TUSC3: variants seen among roughly 807,000 people sequenced by gnomAD.
TUSC3 encodes tumor suppressor candidate 3.
A neutral mutation model predicts 44.8 loss-of-function variants in TUSC3; 45 were observed. That is an observed-to-expected ratio of 1.00 (90% CI 0.79 to 1.29). The LOEUF is 1.29. TUSC3 is among the 50% of genes most tolerant of loss of function. TUSC3 has a pLI of 0.00. For synonymous variants in TUSC3, 212 were observed against 152.9 expected (o/e 1.39, Z -2.85); for missense variants, 519 against 437.9 (o/e 1.19, Z -1.65).
chr8:15,504,801 T>C (rs952302928), intron 2 of TUSC3, among the ~76,000 whole-genome samples: 6 of 150,508 alleles, frequency 4.0e-5, no homozygotes, highest in South Asian at 2.1e-4. Context: ...TACAGGTGCC[T>C]GCCACCATGC....
At chr8:15,720,845 A>G (rs2129204034) in intron 6 of TUSC3, among the ~76,000 whole-genome samples, 1 of 152,246 alleles carries the variant, frequency 6.6e-6, no homozygotes, top group Non-Finnish European at 1.5e-5. Context: ...ACAAATCCAG[A>G]TAATGATCGA....
intron 1 of TUSC3, among the ~76,000 whole-genome samples, chr8:15,563,130 C>A (rs1157281654): frequency 6.6e-6 from 1 of 152,186 alleles, no homozygotes; most frequent in South Asian, 2.1e-4. Flanking sequence ...ACAGGCATGA[C>A]AGTCAATGTA....
chr8:15,517,802 A>G (rs1468389412), intron 2 of TUSC3, among the ~76,000 whole-genome samples: 1 of 152,040 alleles, frequency 6.6e-6, no homozygotes, highest in South Asian at 2.1e-4. Flanking sequence ...TACCAATGTT[A>G]TCATAAATAA....
intron 6 of TUSC3, among the ~76,000 whole-genome samples, chr8:15,710,767 A>G (rs375471150): frequency 6.6e-6 from 1 of 150,400 alleles, no homozygotes; most frequent in South Asian, 2.1e-4. Flanking sequence ...GCAGCTTAGT[A>G]ATTTGCATGA....
At chr8:15,737,005 A>G (rs570730130) in intron 7 of TUSC3, among the ~76,000 whole-genome samples, 107 of 152,296 alleles carry the variant, frequency 7.0e-4, no homozygotes, top group African/African-American at 2.4e-3. Context: ...AGTAAAGGTT[A>G]TACTAGCAAT....
At chr8:15,780,967 A>G in the TUSC3 span, among the ~76,000 whole-genome samples, 1 of 152,212 alleles carries the variant, frequency 6.6e-6, no homozygotes, top group Admixed American at 6.5e-5. Context: ...TTACCCCAGT[A>G]GGGAGTTAAA....
chr8:15,698,196 C>T (rs2129193864), intron 6 of TUSC3, among the ~76,000 whole-genome samples: 1 of 152,202 alleles, frequency 6.6e-6, no homozygotes, highest in Non-Finnish European at 1.5e-5. Flanking sequence ...TCTAGCAAAG[C>T]TGCTGTGTTA....
chr8:15,455,888 C>T (rs139622024), intron 1 of TUSC3, among the ~76,000 whole-genome samples: 86 of 152,306 alleles, frequency 5.6e-4, no homozygotes, highest in African/African-American at 2.0e-3. Context: ...CTGAATTCTG[C>T]TAAAGTGTAG....
chr8:15,507,397 C>G (rs928273212), intron 2 of TUSC3, among the ~76,000 whole-genome samples: 1 of 152,108 alleles, frequency 6.6e-6, no homozygotes, highest in African/African-American at 2.4e-5. Flanking sequence ...TATCAAAATC[C>G]TCTTAATAAA....
the TUSC3 span, among the ~76,000 whole-genome samples, chr8:15,818,412 G>A: frequency 4.6e-5 from 7 of 151,956 alleles, no homozygotes; most frequent in Non-Finnish European, 8.8e-5. Context: ...CTTTTAAGAC[G>A]CCTTCAAATG....
the TUSC3 span, among the ~76,000 whole-genome samples, chr8:15,846,601 A>G: frequency 1.3e-5 from 2 of 152,144 alleles, no homozygotes; most frequent in East Asian, 1.9e-4. Flanking sequence ...GCAAACTAAC[A>G]TAAGAACAGA....
chr8:15,802,038 G>T, the TUSC3 span, among the ~76,000 whole-genome samples: 2 of 152,194 alleles, frequency 1.3e-5, no homozygotes, highest in Non-Finnish European at 2.9e-5. Flanking sequence ...ATATTTAAAT[G>T]GGAGAGGGTG....
At chr8:15,662,413 A>G in intron 5 of TUSC3, 117 bp downstream of exon 5, 2 of 1,425,056 alleles carry the variant, frequency 1.4e-6, no homozygotes, top group Non-Finnish European at 1.9e-6. Flanking sequence ...CTGAATGAGA[A>G]GTAACTTTTT....
rs201887537 is a variant in TUSC3, at chr8:15,441,830, AT to A, written n.91+24527del. On this transcript the variant is annotated intron_variant and non_coding_transcript_variant, in intron 1 of 5. Transcript: ENST00000503191. ...AGGTGGGATGATATAGAGCTTTTTGATTATGCTTCTCTAAGCACAATGTCAA... is the reference window on the plus strand; with the variant it reads ...AGGTGGGATGATATAGAGCTTTTTGATATGCTTCTCTAAGCACAATGTCAA... 5.6e-4 allele frequency among the ~76,000 whole-genome samples: 85 copies of A among 152,256 alleles called. 2 individuals carry two copies. In the East Asian group the frequency reaches 0.014, roughly 26 times the overall value.
chr8:15,595,387 C>T (rs1804024828), intron 1 of TUSC3, among the ~76,000 whole-genome samples: 1 of 152,070 alleles, frequency 6.6e-6, no homozygotes, highest in Admixed American at 6.5e-5. Context: ...GCTCTGTTTC[C>T]ATAGCTCAGG....
chr8:15,791,736 G>A, the TUSC3 span, among the ~76,000 whole-genome samples: 32 of 152,166 alleles, frequency 2.1e-4, no homozygotes, highest in South Asian at 1.7e-3. Flanking sequence ...TGCCTTTTAC[G>A]TTGTAAAAAA....
At chr8:15,589,693 A>C (rs752073709) in intron 1 of TUSC3, among the ~76,000 whole-genome samples, 7 of 149,580 alleles carry the variant, frequency 4.7e-5, no homozygotes, top group Non-Finnish European at 1.0e-4. Context: ...AAAGAAAAAA[A>C]TGCATGTCTG....
intron 5 of TUSC3, among the ~76,000 whole-genome samples, chr8:15,663,437 T>G (rs893385330): frequency 1.1e-4 from 17 of 151,842 alleles, no homozygotes; most frequent in African/African-American, 3.9e-4. Flanking sequence ...CTTCCCATTT[T>G]ATTTTTACCA....
At chr8:15,421,969 C>G (rs1799743554) in intron 1 of TUSC3, among the ~76,000 whole-genome samples, 1 of 152,118 alleles carries the variant, frequency 6.6e-6, no homozygotes, top group African/African-American at 2.4e-5. Context: ...GAGCCAGTGT[C>G]TTCTCTGGGA....
Sources: gnomAD v4.1 joint callset for allele counts (sites outside exome capture counted in the v4.1 genomes callset) on GRCh38, gnomAD v4.1.1 for gene constraint, MANE v1.5 for transcripts, NCBI Gene and HGNC (gene_info 2026-07-23, HGNC 2026-07-21) for gene names.